NPHP1: variants seen among roughly 807,000 people sequenced by gnomAD.
The protein encoded by NPHP1 is nephrocystin-1.
Under a neutral mutation model 90.4 loss-of-function variants are expected in NPHP1, and 70 were observed. The observed-to-expected ratio is 0.77, with a 90% CI of 0.64 to 0.95. The LOEUF is 0.95. NPHP1 is among the 40% of genes least tolerant of loss of function. NPHP1 has a pLI of 0.00. For synonymous variants in NPHP1, 256 were observed against 271.7 expected (o/e 0.94, Z 0.57); for missense variants, 764 against 795.9 (o/e 0.96, Z 0.48).
intron 2 of NPHP1, among the ~76,000 whole-genome samples, chr2:110,193,186 G>A (rs1684875434): frequency 6.6e-6 from 1 of 152,120 alleles, no homozygotes. Flanking sequence ...TGGGCTAAAT[G>A]CTCCAATTAA....
chr2:110,204,850 T>G (rs762946279), intron 1 of NPHP1, 50 bp downstream of exon 1: 1 of 1,590,146 alleles, frequency 6.3e-7, no homozygotes, highest in South Asian at 1.1e-5. Flanking sequence ...TGCGCGCAGC[T>G]GCGTCCGCCT....
At chr2:110,148,091 T>A in intron 12 of NPHP1, 65 bp from the exon 13 acceptor site, 1 of 1,007,732 alleles carries the variant, frequency 9.9e-7, no homozygotes, top group Non-Finnish European at 1.6e-6. Context: ...TTTGATGTGG[T>A]TTGAATAAAT....
At chr2:110,184,687 T>A (rs899193775) in intron 2 of NPHP1, 6 of 732,710 alleles carry the variant, frequency 8.2e-6, no homozygotes, top group African/African-American at 3.4e-5. Context: ...TCGTTTGAGA[T>A]TTCCACTCAT....
intron 7 of NPHP1, 138 bp downstream of exon 7, chr2:110,164,914 A>G: frequency 1.1e-6 from 1 of 879,074 alleles, no homozygotes; most frequent in Non-Finnish European, 1.9e-6. Flanking sequence ...AATGATCTTT[A>G]AGCAGACAAT....
chr2:110,138,677 GTTCT>G lies in NPHP1; in HGVS notation c.1529+4861_1529+4864del, dbSNP rs1378884197. Among the ~76,000 whole-genome samples, 88 of 152,220 alleles carry G rather than the reference GTTCT, an allele frequency of 5.8e-4. 2 individuals are homozygous for G. The South Asian group carries it at 0.018, about 31-fold the overall frequency. Reference sequence around the variant, plus strand: ...ACCTGAGCATGAACAACATGCTCATGTTCTGCCCTTTGGTCCACGGTCCCATTGC... The same window carrying G: ...ACCTGAGCATGAACAACATGCTCATGGCCCTTTGGTCCACGGTCCCATTGC... On this transcript the variant is annotated intron_variant, in intron 16 of 19. Coordinates refer to ENST00000445609, the MANE Select transcript of NPHP1 (RefSeq NM_001128178.3).
intron 11 of NPHP1, among the ~76,000 whole-genome samples, chr2:110,159,303 G>A (rs945105942): frequency 9.9e-5 from 15 of 151,840 alleles, no homozygotes; most frequent in Non-Finnish European, 1.8e-4. Context: ...GAAATAAGTT[G>A]GGAAACATTT....
At chr2:110,184,903 C>T (rs1244644073) in intron 2 of NPHP1, 8 of 691,704 alleles carry the variant, frequency 1.2e-5, no homozygotes, top group East Asian at 3.3e-5. Context: ...AAGGCATCCA[C>T]AAGGTCCTGG....
intron 11 of NPHP1, among the ~76,000 whole-genome samples, chr2:110,150,574 G>T (rs565861465): frequency 2.6e-5 from 4 of 152,024 alleles, no homozygotes; most frequent in Non-Finnish European, 5.9e-5. Context: ...TTTAGAGAAG[G>T]AGTCTCGCTC....
At position 110,164,483 on chromosome 2, in the gene NPHP1, T is replaced by G. The variant is rs1379329804; in HGVS notation, c.771+205A>C. The G allele has an allele frequency of 6.1e-6, 6 of 977,536 alleles. No homozygotes were observed. In the African/African-American group the frequency reaches 1.0e-4, roughly 16 times the overall value. 60.6% of individuals were successfully genotyped at this position (977,536 alleles called of 1,614,324 possible). ...GACACCATGAATTATCTATTCTTTT[T>G]GTACAAAAAAAAAAAAAAACTAATG... On this transcript the variant is annotated intron_variant, in intron 8 of 19. Transcript: ENST00000445609.
rs1035686748 is a variant in NPHP1 at position 110,157,952 on chromosome 2, T to C, written c.1083+2175A>G. On this transcript the variant is annotated intron_variant, in intron 11 of 19. Coordinates refer to ENST00000445609, the MANE Select transcript of NPHP1 (RefSeq NM_001128178.3). ...AAGCATCTAGTGCTATAAATGTCCC[T>C]CTAAGCAATGCTTTAGCTAACATTC... 2.0e-5 allele frequency among the ~76,000 whole-genome samples: 3 copies of C among 152,190 alleles called. 1 individual carries two copies. Among genetic ancestry groups the C allele is most frequent in the African/African-American group, 4.8e-5 (2 of 41,448 alleles).
At chr2:110,171,519 CAT>C (rs1683127884) in intron 4 of NPHP1, among the ~76,000 whole-genome samples, 1 of 152,110 alleles carries the variant, frequency 6.6e-6, no homozygotes. Context: ...TGATCTAAAA[CAT>C]AAACAGGGAT....
chr2:110,129,109 A>AGACAAGAT, intron 18 of NPHP1, 77 bp downstream of exon 18: 1 of 1,040,850 alleles, frequency 9.6e-7, no homozygotes, highest in South Asian at 1.3e-5. Flanking sequence ...AAAAAGGCCT[A>AGACAAGAT]GACAGAACTC....
intron 16 of NPHP1, among the ~76,000 whole-genome samples, chr2:110,139,406 T>G (rs900194510): frequency 2.6e-5 from 4 of 152,182 alleles, no homozygotes; most frequent in African/African-American, 9.7e-5. Context: ...TTGGTGAAAC[T>G]GAAGCATCTA....
intron 1 of NPHP1, among the ~76,000 whole-genome samples, chr2:110,202,164 T>A (rs908350361): frequency 6.6e-6 from 1 of 152,196 alleles, no homozygotes; most frequent in Non-Finnish European, 1.5e-5. Context: ...GTATCATGAC[T>A]TTGTTTCTCT....
rs1186755904 is a variant in NPHP1, at chr2:110,144,520, C to T, written c.1402G>A (p.Glu468Lys). The change falls in exon 15 of 20, where the codon GAA becomes AAA. Residue 468 changes from glutamate (E) to lysine (K), a missense_variant. Coordinates refer to ENST00000445609, the MANE Select transcript of NPHP1 (RefSeq NM_001128178.3). ...CTTCTGGATATTGAAGGGTCCACTT[C>T]AATACCTTTTTCATAAGGAGTACCA... The part of the protein sequence containing the change: ...NGGTPYEKGI[E>K]VDPSISRRAH... 6.2e-7 allele frequency: 1 copy of T among 1,607,096 alleles called. No homozygotes were observed. The highest frequency in any genetic ancestry group is 1.3e-5 in the African/African-American group (1 of 74,772).
chr2:110,139,824 AGAG>A (rs1680498869), intron 16 of NPHP1, among the ~76,000 whole-genome samples: 3 of 152,088 alleles, frequency 2.0e-5, no homozygotes, highest in Admixed American at 6.5e-5. Context: ...CCTTTGAAGG[AGAG>A]GAGGAGAAGG....
intron 4 of NPHP1, among the ~76,000 whole-genome samples, chr2:110,170,350 T>A (rs576544109): frequency 2.0e-5 from 3 of 152,320 alleles, no homozygotes; most frequent in Admixed American, 1.3e-4. Flanking sequence ...CTGGCTCTAT[T>A]CCCTCTTTGC....
chr2:110,161,464 A>T (rs3817140), intron 10 of NPHP1, 139 bp downstream of exon 10: 9 of 617,284 alleles, frequency 1.5e-5, no homozygotes, highest in Non-Finnish European at 2.6e-5. Flanking sequence ...AGTTATAAAA[A>T]TATCGCTATT....
chr2:110,153,201 T>C (rs187272169), intron 11 of NPHP1, among the ~76,000 whole-genome samples: 35 of 152,246 alleles, frequency 2.3e-4, no homozygotes, highest in African/African-American at 6.3e-4. Flanking sequence ...CAACTCAGAA[T>C]TCTCTATCTA....
Sources: allele counts gnomAD v4.1 joint callset (sites outside exome capture counted in the v4.1 genomes callset), GRCh38; gene constraint gnomAD v4.1.1; transcripts MANE v1.5; gene names NCBI Gene and HGNC (gene_info 2026-07-23, HGNC 2026-07-21).